Variants in CNIH3 observed in about 807,000 individuals in gnomAD.
The protein encoded by CNIH3 is protein cornichon homolog 3.
A neutral mutation model predicts 24.1 loss-of-function variants in CNIH3; 14 were observed. The ratio of observed to expected loss-of-function variants is 0.58; its 90% CI spans 0.38 to 0.91. The LOEUF (loss-of-function observed/expected upper bound fraction) is 0.91, where lower values mean the gene tolerates loss of function less well. CNIH3 is among the 40% of genes least tolerant of loss of function. CNIH3 has a pLI of 0.00. For synonymous variants in CNIH3, 68 were observed against 73.8 expected, an observed-to-expected ratio of 0.92 and a Z score of 0.40; for missense variants, 178 against 196.8, an observed-to-expected ratio of 0.90 and a Z score of 0.57.
Position 224,580,827 on chromosome 1 carries a change from G to A in CNIH3, n.517-2337G>A, listed in dbSNP as rs1330901758. On this transcript the variant is annotated intron_variant and non_coding_transcript_variant, in intron 4 of 5. Transcript: ENST00000471578. ...TCTCAAAAAAAAAAAAGAAAAGGAGGGGTAGAGGGAACAGTTAATTATGTA... is the reference window on the plus strand; with the variant it reads ...TCTCAAAAAAAAAAAAGAAAAGGAGAGGTAGAGGGAACAGTTAATTATGTA... Among the ~76,000 whole-genome samples, 6 of 151,950 alleles carry A rather than the reference G, an allele frequency of 3.9e-5. No individual in the cohort carries two copies. The East Asian group carries it at 5.8e-4, about 15-fold the overall frequency.
At chr1:224,532,057 G>A (rs963729157) in intron 2 of CNIH3, among the ~76,000 whole-genome samples, 51 of 152,172 alleles carry the variant, frequency 3.4e-4, no homozygotes, top group African/African-American at 1.2e-3. Context: ...ATAAGTAACA[G>A]ATCTATAGTA....
At chr1:224,651,410 T>C (rs986213980) in intron 1 of CNIH3, among the ~76,000 whole-genome samples, 1 of 152,126 alleles carries the variant, frequency 6.6e-6, no homozygotes, top group African/African-American at 2.4e-5. Context: ...CACATTCTGG[T>C]TTTCTTTACC....
At chr1:224,512,567 A>T (rs1441391551), upstream of CNIH3, among the ~76,000 whole-genome samples, 1 of 152,242 alleles carries the variant, frequency 6.6e-6, no homozygotes, top group Non-Finnish European at 1.5e-5. Flanking sequence ...AAATGTTGAC[A>T]TTTTTTACAT....
At chr1:224,614,745 G>A (rs1682863192), upstream of CNIH3, among the ~76,000 whole-genome samples, 1 of 151,846 alleles carries the variant, frequency 6.6e-6, no homozygotes, top group Admixed American at 6.6e-5. Flanking sequence ...TCAAGAGATC[G>A]AGACCATCTT....
intron 1 of CNIH3, among the ~76,000 whole-genome samples, chr1:224,486,357 C>T (rs1424668406): frequency 6.6e-6 from 1 of 152,088 alleles, no homozygotes; most frequent in African/African-American, 2.4e-5. Context: ...AAGCAGTCCT[C>T]CTGCCTCTGC....
rs71170028 is a variant in CNIH3, at chr1:224,674,272, G to GTTTTTTT, written c.82-6657_82-6651dup. 1.3e-3 allele frequency among the ~76,000 whole-genome samples: 92 copies of GTTTTTTT among 72,056 alleles called. 3 individuals carry two copies. The highest frequency in any genetic ancestry group is 2.7e-3 in the East Asian group (7 of 2,604). The allele number at this position is 72,056 out of a possible 152,430, so 47.3% of individuals were successfully genotyped here. On this transcript the variant is annotated intron_variant, in intron 1 of 5. Transcript: ENST00000272133. ...AATCGTTTCTTCATCTTCCAGGAAGGTTTTTTTTTTTTTTTTTTTTTTTTT... is the reference window on the plus strand; with the variant it reads ...AATCGTTTCTTCATCTTCCAGGAAGGTTTTTTTTTTTTTTTTTTTTTTTTTTTTTTTT...
At chr1:224,481,037 C>T (rs777801196) in intron 1 of CNIH3, among the ~76,000 whole-genome samples, 2 of 152,254 alleles carry the variant, frequency 1.3e-5, no homozygotes, top group Non-Finnish European at 2.9e-5. Flanking sequence ...ATTGGACTTA[C>T]AGTTCCACGT....
downstream of CNIH3, among the ~76,000 whole-genome samples, chr1:224,588,983 T>TTTTTTTTTTTTG (rs1681634452): frequency 1.3e-5 from 2 of 150,656 alleles, no homozygotes; most frequent in East Asian, 2.0e-4. Context: ...TTTTTTTTTT[T>TTTTTTTTTTTTG]GGAGCCATTT....
chr1:224,554,649 T>C (rs995746280), intron 3 of CNIH3, among the ~76,000 whole-genome samples: 2 of 152,172 alleles, frequency 1.3e-5, no homozygotes, highest in Admixed American at 6.6e-5. Context: ...AGTGGTGTGA[T>C]CACGGCTTAG....
intron 1 of CNIH3, among the ~76,000 whole-genome samples, chr1:224,677,372 A>T (rs1322270752): frequency 6.6e-6 from 1 of 152,106 alleles, no homozygotes; most frequent in Non-Finnish European, 1.5e-5. Context: ...GATCTTGTTG[A>T]TTTTTGTGTC....
intron 1 of CNIH3, among the ~76,000 whole-genome samples, chr1:224,627,751 A>G (rs1683609258): frequency 6.6e-6 from 1 of 152,148 alleles, no homozygotes; most frequent in South Asian, 2.1e-4. Flanking sequence ...CAGTCTGATA[A>G]TGAGGCTCAG....
intron 1 of CNIH3, among the ~76,000 whole-genome samples, chr1:224,485,573 G>A (rs1676996630): frequency 6.6e-6 from 1 of 152,024 alleles, no homozygotes; most frequent in Non-Finnish European, 1.5e-5. Context: ...GTTCACCACA[G>A]CCTTGAACTC....
intron 1 of CNIH3, among the ~76,000 whole-genome samples, chr1:224,474,877 AAATAAAAAT>A (rs1676510847): frequency 2.3e-5 from 1 of 43,414 alleles, no homozygotes; most frequent in African/African-American, 5.4e-5. Flanking sequence ...AAATACAAAA[AAATAAAAAT>A]AAAAAAAAGC....
At chr1:224,590,682 C>T (rs1681716200), downstream of CNIH3, among the ~76,000 whole-genome samples, 1 of 151,370 alleles carries the variant, frequency 6.6e-6, no homozygotes, top group South Asian at 2.1e-4. Context: ...GACCTAAACA[C>T]CCCCCCTTAG....
intron 5 of CNIH3, among the ~76,000 whole-genome samples, chr1:224,583,716 A>G (rs1572523395): frequency 6.6e-6 from 1 of 152,142 alleles, no homozygotes; most frequent in Non-Finnish European, 1.5e-5. Flanking sequence ...TGTAGAGCCT[A>G]TGGAGTCTGT....
chr1:224,545,911 A>C lies in CNIH3; in HGVS notation n.340-918A>C, dbSNP rs530343548. On this transcript the variant is annotated intron_variant and non_coding_transcript_variant, in intron 2 of 5. Transcript: ENST00000471578. ...TGTTCTGGAGGCTGGGAAGTCCAACATCAAGGTGTTGGCAGCTTTGGTTTC... is the reference window on the plus strand; with the variant it reads ...TGTTCTGGAGGCTGGGAAGTCCAACCTCAAGGTGTTGGCAGCTTTGGTTTC... Among the ~76,000 whole-genome samples the C allele has an allele frequency of 3.3e-5, 5 of 152,266 alleles. No individual in the cohort carries two copies. The South Asian group carries it at 1.0e-3, about 32-fold the overall frequency.
chr1:224,456,050 G>A (rs1030052018), intron 1 of CNIH3, among the ~76,000 whole-genome samples: 13 of 152,196 alleles, frequency 8.5e-5, no homozygotes, highest in African/African-American at 3.1e-4. Flanking sequence ...TTCATGTGGT[G>A]AATATGGGAT....
chr1:224,698,143 C>T (rs1271081499), intron 3 of CNIH3, among the ~76,000 whole-genome samples: 1 of 152,202 alleles, frequency 6.6e-6, no homozygotes, highest in Non-Finnish European at 1.5e-5. Flanking sequence ...CAGACAATTA[C>T]ACAACTCATG....
At position 224,739,413 on chromosome 1, in the gene CNIH3, G is replaced by T; in HGVS notation, c.*57G>T. 1.3e-6 allele frequency: 2 copies of T among 1,587,174 alleles called. No individual in the cohort carries two copies. Among genetic ancestry groups the T allele is most frequent in the Non-Finnish European group, 8.5e-7 (1 of 1,172,078 alleles). On this transcript the variant is annotated 3_prime_UTR_variant, in exon 6 of 6. Transcript: ENST00000272133. The stretch of plus-strand genomic sequence containing the variant: ...GATGGGAGAGGCCTGAGACGGAGAG[G>T]TGCATTTCTGCTGGTGACTGGAGGA...
Sources: gnomAD v4.1 joint callset for allele counts (sites outside exome capture counted in the v4.1 genomes callset) on GRCh38, gnomAD v4.1.1 for gene constraint, MANE v1.5 for transcripts, NCBI Gene and HGNC (gene_info 2026-07-23, HGNC 2026-07-21) for gene names.